The following MET variants were observed in gnomAD, a reference collection of about 807,000 sequenced individuals.
MET encodes hepatocyte growth factor receptor.
Under a neutral mutation model 133.1 loss-of-function variants are expected in MET, and 48 were observed. The ratio of observed to expected loss-of-function variants is 0.36; its 90% CI spans 0.29 to 0.46. The LOEUF is 0.46. Ranked by LOEUF, MET falls within the 20% of genes least tolerant of loss-of-function variation. The pLI is 1.00. For missense variants in MET, 1,442 were observed against 1,695.9 expected, an observed-to-expected ratio of 0.85 and a Z score of 2.63; for synonymous variants, 628 against 616.5, an observed-to-expected ratio of 1.02 and a Z score of -0.28.
At chr7:116,761,105 T>A (rs1170609772) in intron 10 of MET, among the ~76,000 whole-genome samples, 1 of 152,186 alleles carries the variant, frequency 6.6e-6, no homozygotes, top group Non-Finnish European at 1.5e-5. Context: ...GGCATTAAAG[T>A]GACACTCAGA....
intron 19 of MET, 34 bp from the exon 20 acceptor site, chr7:116,795,621 C>T: frequency 6.2e-7 from 1 of 1,612,704 alleles, no homozygotes; most frequent in Non-Finnish European, 8.5e-7. Flanking sequence ...GGTCACATCT[C>T]TCACCTCATC....
intron 2 of MET, among the ~76,000 whole-genome samples, chr7:116,721,380 CTTCT>C (rs1342142633): frequency 7.2e-5 from 11 of 151,960 alleles, no homozygotes; most frequent in African/African-American, 1.5e-4. Context: ...TCTCTCTTTT[CTTCT>C]TTATTAGTCT....
intron 5 of MET, among the ~76,000 whole-genome samples, chr7:116,755,000 G>GAAAGAAAGAA (rs1554394801): frequency 2.7e-5 from 4 of 147,508 alleles, no homozygotes; most frequent in Non-Finnish European, 6.0e-5. Flanking sequence ...AAGAAAGAAA[G>GAAAGAAAGAA]AAAGAAAGAA....
At chr7:116,700,364 G>C in intron 2 of MET, 80 bp downstream of exon 2, 1 of 1,467,526 alleles carries the variant, frequency 6.8e-7, no homozygotes, top group African/African-American at 1.4e-5. Flanking sequence ...GAATATCCAG[G>C]GCTTCTTTTG....
At chr7:116,736,986 C>T (rs768510364) in intron 3 of MET, among the ~76,000 whole-genome samples, 5 of 152,050 alleles carry the variant, frequency 3.3e-5, no homozygotes, top group Non-Finnish European at 7.4e-5. Flanking sequence ...AGTGGTTAAT[C>T]GATTATTTAG....
At chr7:116,767,619 T>A (rs1489822317) in intron 11 of MET, among the ~76,000 whole-genome samples, 1 of 152,146 alleles carries the variant, frequency 6.6e-6, no homozygotes, top group Non-Finnish European at 1.5e-5. Context: ...TTGCTCTATG[T>A]CTGTTGGAGA....
chr7:116,695,414 C>G lies in MET; in HGVS notation c.-14-3657C>G, dbSNP rs375127375. On this transcript the variant is annotated intron_variant, in intron 1 of 20. Coordinates refer to ENST00000397752, the MANE Select transcript of MET (RefSeq NM_000245.4). ...AAAATAGCAAGCATTTATATATACT[C>G]TATATTGATCAAAGTGCTTTCAGAG... 7.2e-5 allele frequency among the ~76,000 whole-genome samples: 11 copies of G among 152,296 alleles called. No individual in the cohort carries two copies. The East Asian group carries it at 9.6e-4, about 13-fold the overall frequency.
Position 116,790,941 on chromosome 7 carries a change from G to A in MET, c.3799-4714G>A, listed in dbSNP as rs141975249. On this transcript the variant is annotated intron_variant, in intron 19 of 20. Transcript: ENST00000397752. Reference sequence around the variant, plus strand: ...AAAATACAAAAAATTAGCCGGGAGTGGTGGCACATGCCTGTAATCCCAACT... The same window carrying A: ...AAAATACAAAAAATTAGCCGGGAGTAGTGGCACATGCCTGTAATCCCAACT... Among the ~76,000 whole-genome samples, 1,287 of 152,262 alleles carry A rather than the reference G, an allele frequency of 8.5e-3. 7 individuals are homozygous for A. Among genetic ancestry groups the A allele is most frequent in the Non-Finnish European group, 0.015 (1,016 of 68,028 alleles).
intron 1 of MET, among the ~76,000 whole-genome samples, chr7:116,681,835 C>T (rs1270111196): frequency 6.6e-6 from 1 of 151,996 alleles, no homozygotes; most frequent in Non-Finnish European, 1.5e-5. Flanking sequence ...AACCTTTGGG[C>T]TTAAAATATT....
At chr7:116,678,913 G>GA (rs1167820986) in intron 1 of MET, among the ~76,000 whole-genome samples, 1 of 151,978 alleles carries the variant, frequency 6.6e-6, no homozygotes, top group African/African-American at 2.4e-5. Flanking sequence ...TTTTGTTCCA[G>GA]AAAAAAATAG....
intron 1 of MET, chr7:116,695,725 GATA>G (rs1279874180): frequency 8.4e-6 from 4 of 476,118 alleles, no homozygotes; most frequent in Non-Finnish European, 1.3e-5. Context: ...AGAAGAGAAG[GATA>G]ATAATACTTC....
At chr7:116,788,334 T>C (rs1795379783) in intron 19 of MET, among the ~76,000 whole-genome samples, 1 of 152,198 alleles carries the variant, frequency 6.6e-6, no homozygotes, top group Non-Finnish European at 1.5e-5. Context: ...TCACTTAAAA[T>C]TGGTGAGTTT....
rs879254342 is a variant in MET, at chr7:116,699,656, G to A, written c.572G>A (p.Arg191Gln). 1.1e-5 allele frequency: 18 copies of A among 1,613,836 alleles called. No individual in the cohort carries two copies. Among genetic ancestry groups the A allele is most frequent in the South Asian group, 2.2e-5 (2 of 91,080 alleles). The change falls in exon 2 of 21, where the codon CGG becomes CAG. Residue 191 changes from arginine (R) to glutamine (Q), a missense_variant. Arg to Gln is a conservative substitution (Grantham distance 43). This residue lies in a region of MET where 762 missense variants were observed against 792.4 expected (regional missense o/e 0.96). Coordinates refer to ENST00000397752, the MANE Select transcript of MET (RefSeq NM_000245.4). ...AAAGTCCTTTCATCTGTAAAGGACC[G>A]GTTCATCAACTTCTTTGTAGGCAAT... Reference protein sequence around the residue: ...GAKVLSSVKDRFINFFVGNTI... With the variant: ...GAKVLSSVKDQFINFFVGNTI...
rs573444859 is a variant in MET, at chr7:116,785,788, A to G, written c.3798+2319A>G. Among the ~76,000 whole-genome samples the G allele has an allele frequency of 7.6e-4, 116 of 152,344 alleles. 1 individual carries two copies. Among genetic ancestry groups the G allele is most frequent in the Non-Finnish European group, 1.4e-3 (94 of 68,026 alleles). On this transcript the variant is annotated intron_variant, in intron 19 of 20. Coordinates refer to ENST00000397752, the MANE Select transcript of MET (RefSeq NM_000245.4). ...CTCAGAGGTAGAATCAGAAGTATTT[A>G]CCAAGGAATTGATAAAAAGTCAAAG...
Position 116,773,565 on chromosome 7 carries a change from C to T in MET, c.3029-1316C>T, listed in dbSNP as rs186576712. Among the ~76,000 whole-genome samples the T allele has an allele frequency of 2.6e-4, 39 of 152,284 alleles. No homozygotes were observed. In the East Asian group the frequency reaches 7.5e-3, roughly 29 times the overall value. ...ACCTGAGTTTAGAGAGGCTGATTGGCATTCCCAATCCCCTGGGGAAGGTTT... is the reference window on the plus strand; with the variant it reads ...ACCTGAGTTTAGAGAGGCTGATTGGTATTCCCAATCCCCTGGGGAAGGTTT... On this transcript the variant is annotated intron_variant, in intron 14 of 20. Transcript: ENST00000397752.
chr7:116,672,714 G>C, intron 1 of MET, 137 bp downstream of exon 1: 1 of 370,384 alleles, frequency 2.7e-6, no homozygotes, highest in Non-Finnish European at 4.8e-6. Flanking sequence ...AGGGGCTTCG[G>C]AAACTGAAGA....
At chr7:116,695,339 C>A (rs1186982648) in intron 1 of MET, among the ~76,000 whole-genome samples, 2 of 152,180 alleles carry the variant, frequency 1.3e-5, no homozygotes, top group African/African-American at 4.8e-5. Context: ...ATTCCCTCTA[C>A]CAGCACCAAA....
rs2116911573 is a variant in MET, at chr7:116,755,547, G to A, written c.1862+32G>A. On this transcript the variant is annotated intron_variant, in intron 6 of 20. Transcript: ENST00000397752. The stretch of plus-strand genomic sequence containing the variant: ...ATCTTAAAATGCTTTGCTGGGGTGT[G>A]CTTGGAAAATAGGTTTTGTTTTTGA... 5 of 1,613,480 alleles carry A rather than the reference G, an allele frequency of 3.1e-6. No individual in the cohort carries two copies. The South Asian group carries it at 4.4e-5, about 14-fold the overall frequency.
chr7:116,674,474 A>G (rs1046050593), intron 1 of MET, among the ~76,000 whole-genome samples: 2 of 152,230 alleles, frequency 1.3e-5, no homozygotes, highest in Non-Finnish European at 2.9e-5. Context: ...ACATTTCAAA[A>G]ATCAATTTCC....
Sources: allele counts gnomAD v4.1 joint callset (sites outside exome capture counted in the v4.1 genomes callset), GRCh38; gene constraint gnomAD v4.1.1; regional missense constraint gnomAD v4.1.1; transcripts MANE v1.5; gene names NCBI Gene and HGNC (gene_info 2026-07-23, HGNC 2026-07-21).